The following GCSAML variants were observed in gnomAD, a reference collection of about 807,000 sequenced individuals.
The protein encoded by GCSAML is germinal center associated signaling and motility like, also known as germinal center-associated signaling and motility-like protein.
GCSAML carries 9 observed loss-of-function variants against 13.0 expected under a neutral mutation model. That is an observed-to-expected ratio of 0.69 (90% CI 0.42 to 1.21). The LOEUF (loss-of-function observed/expected upper bound fraction) is 1.21, where lower values mean the gene tolerates loss of function less well. GCSAML is among the 50% of genes most tolerant of loss of function. The probability of loss-of-function intolerance (pLI) is 0.00; values close to 1 mark genes in which losing one functional copy is unlikely to be tolerated. For missense variants in GCSAML, 143 were observed against 153.4 expected (o/e 0.93, Z 0.36); for synonymous variants, 37 against 52.9 (o/e 0.70, Z 1.31).
chr1:247,549,612 C>T (rs889190607), intron 1 of GCSAML, among the ~76,000 whole-genome samples: 2 of 152,142 alleles, frequency 1.3e-5, no homozygotes, highest in African/African-American at 4.8e-5. Context: ...GGCAACCCTA[C>T]ACAATTGTCA....
chr1:247,542,138 T>C (rs111442482), intron 2 of GCSAML, among the ~76,000 whole-genome samples: 20 of 152,252 alleles, frequency 1.3e-4, no homozygotes, highest in African/African-American at 4.8e-4. Flanking sequence ...AAGCTGGGCA[T>C]TGTGGTGCAT....
intron 1 of GCSAML, among the ~76,000 whole-genome samples, chr1:247,515,958 A>C (rs1048542456): frequency 6.6e-6 from 1 of 152,174 alleles, no homozygotes; most frequent in African/African-American, 2.4e-5. Context: ...TAAGACTCTT[A>C]TCTGTTGGTT....
chr1:247,549,079 C>T (rs1331683609), upstream of GCSAML: 11 of 1,608,848 alleles, frequency 6.8e-6, no homozygotes, highest in Non-Finnish European at 9.3e-6. Flanking sequence ...AGAGCACGAA[C>T]CCGTGGTCAG....
chr1:247,546,186 C>T (rs748466627), upstream of GCSAML, among the ~76,000 whole-genome samples: 2 of 151,906 alleles, frequency 1.3e-5, no homozygotes, highest in Non-Finnish European at 2.9e-5. Flanking sequence ...AATGATGGGA[C>T]GGTTTCGCTC....
intron 1 of GCSAML, among the ~76,000 whole-genome samples, chr1:247,511,759 C>G (rs761792494): frequency 2.0e-5 from 3 of 152,196 alleles, no homozygotes; most frequent in Non-Finnish European, 2.9e-5. Context: ...TTCTCCTTCA[C>G]TTATGAAGCT....
intron 2 of GCSAML, among the ~76,000 whole-genome samples, chr1:247,542,992 C>G (rs1292872381): frequency 1.3e-5 from 2 of 152,172 alleles, no homozygotes; most frequent in Non-Finnish European, 2.9e-5. Flanking sequence ...TGAGGAAGCA[C>G]ATATTCTGCA....
intron 3 of GCSAML, chr1:247,565,660 C>T (rs1151694): frequency 0.6 from 202,648 of 336,040 alleles, 62,383 homozygotes; most frequent in East Asian, 0.78. Context: ...TGAAATCCAT[C>T]TTATTCAGTA....
intron 2 of GCSAML, among the ~76,000 whole-genome samples, chr1:247,540,353 C>A (rs1667371339): frequency 1.3e-5 from 2 of 152,306 alleles, no homozygotes; most frequent in South Asian, 4.1e-4. Flanking sequence ...TTAACAAGTG[C>A]TTGGCTGAGG....
chr1:247,534,185 C>T (rs1667125000), intron 2 of GCSAML, among the ~76,000 whole-genome samples: 2 of 152,090 alleles, frequency 1.3e-5, no homozygotes, highest in Admixed American at 1.3e-4. Flanking sequence ...ACTCTTATTT[C>T]TTTTGTTTGC....
intron 2 of GCSAML, among the ~76,000 whole-genome samples, chr1:247,540,372 C>T (rs1009307344): frequency 6.6e-6 from 1 of 152,218 alleles, no homozygotes; most frequent in Non-Finnish European, 1.5e-5. Context: ...GGCCTCACAT[C>T]TGTCCTTAAC....
In GCSAML at chr1:247,508,186, G is replaced by C. The variant is rs147101709; in HGVS notation, c.-263+953G>C. On this transcript the variant is annotated intron_variant, in intron 1 of 5. Coordinates refer to the GCSAML transcript ENST00000366489. ...TCCTCTCCAGCATCTGTTGTTTCCT[G>C]ACTTTTTAATGATTGCCATTCTAAG... 1.7e-4 allele frequency among the ~76,000 whole-genome samples: 26 copies of C among 152,264 alleles called. No individual in the cohort carries two copies. In the East Asian group the frequency reaches 4.8e-3, roughly 28 times the overall value.
intron 2 of GCSAML, among the ~76,000 whole-genome samples, chr1:247,560,494 A>G (rs1204808408): frequency 6.6e-6 from 1 of 152,156 alleles, no homozygotes; most frequent in Non-Finnish European, 1.5e-5. Flanking sequence ...TTGGTTTTAC[A>G]TACATTTTCC....
At chr1:247,541,341 G>A (rs1405945371) in intron 2 of GCSAML, among the ~76,000 whole-genome samples, 1 of 152,192 alleles carries the variant, frequency 6.6e-6, no homozygotes, top group East Asian at 1.9e-4. Context: ...AAAGCAGTAG[G>A]TTTGGCCTCC....
intron 1 of GCSAML, among the ~76,000 whole-genome samples, chr1:247,509,505 C>A (rs1199420231): frequency 2.0e-5 from 3 of 152,146 alleles, no homozygotes; most frequent in Non-Finnish European, 4.4e-5. Flanking sequence ...CTTTCTCTTG[C>A]CTGATTATCC....
At chr1:247,509,126 T>A (rs1665925442) in intron 1 of GCSAML, among the ~76,000 whole-genome samples, 1 of 152,258 alleles carries the variant, frequency 6.6e-6, no homozygotes, top group Admixed American at 6.5e-5. Flanking sequence ...AATTAATTCT[T>A]CCTATCCATG....
At position 247,532,173 on chromosome 1, in the gene GCSAML, A is replaced by G. The variant is rs113430525; in HGVS notation, c.-148+5119A>G. The stretch of plus-strand genomic sequence containing the variant: ...CATAGGACATGGTGGCCAGCAGGAC[A>G]CACTCGGTTGCCCCCAGCCAATGGG... On this transcript the variant is annotated intron_variant, in intron 2 of 5. Transcript: ENST00000366489. 64 of 1,614,092 alleles carry G rather than the reference A, an allele frequency of 4.0e-5. No individual in the cohort carries two copies. The African/African-American group carries it at 7.3e-4, about 18-fold the overall frequency.
chr1:247,531,915 C>A, intron 2 of GCSAML: 1 of 1,614,208 alleles, frequency 6.2e-7, no homozygotes, highest in Non-Finnish European at 8.5e-7. Context: ...CCAGGTACAT[C>A]TCCATCTCAT....
At chr1:247,531,650 G>T in intron 2 of GCSAML, 1 of 1,614,136 alleles carries the variant, frequency 6.2e-7, no homozygotes, top group Non-Finnish European at 8.5e-7. Flanking sequence ...TAAATAAGTG[G>T]GTTCAGCGCA....
At chr1:247,525,851 A>G (rs138836031) in intron 1 of GCSAML, 1 of 152,198 alleles carries the variant, frequency 6.6e-6, no homozygotes, top group Non-Finnish European at 1.5e-5. Context: ...CTACGTAGGG[A>G]CTACTAGCCA....
Sources: allele counts gnomAD v4.1 joint callset (sites outside exome capture counted in the v4.1 genomes callset), GRCh38; gene constraint gnomAD v4.1.1; transcripts MANE v1.5; gene names NCBI Gene and HGNC (gene_info 2026-07-23, HGNC 2026-07-21).